Variants in MTHFD1 observed in about 807,000 individuals in gnomAD.
MTHFD1 encodes the protein C-1-tetrahydrofolate synthase, cytoplasmic.
A neutral mutation model predicts 110.3 loss-of-function variants in MTHFD1; 44 were observed. The observed-to-expected ratio is 0.40, with a 90% CI of 0.31 to 0.51. The LOEUF is 0.51. MTHFD1 is among the 20% of genes least tolerant of loss of function. MTHFD1 has a pLI of 0.60. For synonymous variants in MTHFD1, 402 were observed against 428.8 expected (o/e 0.94, Z 0.77); for missense variants, 909 against 1,173.1 (o/e 0.77, Z 3.29).
At position 64,459,711 on chromosome 14, in the gene MTHFD1, T is replaced by A. The variant is rs1481944134; in HGVS notation, c.*5-48T>A. 3 of 1,304,694 alleles carry A rather than the reference T, an allele frequency of 2.3e-6. No individual in the cohort carries two copies. In the Admixed American group the frequency reaches 9.3e-5, roughly 40 times the overall value. 80.8% of individuals were successfully genotyped at this position (1,304,694 alleles called of 1,614,324 possible). Reference sequence around the variant, plus strand: ...GCAGTATGGAAGGAACAGGAAACATTTCAGTGCTTGCTTAGAGAAAACATT... The same window carrying A: ...GCAGTATGGAAGGAACAGGAAACATATCAGTGCTTGCTTAGAGAAAACATT... On this transcript the variant is annotated intron_variant, in intron 27 of 27. Coordinates refer to ENST00000652337, the MANE Select transcript of MTHFD1 (RefSeq NM_005956.4).
At chr14:64,453,695 G>C in intron 24 of MTHFD1, 59 bp from the exon 25 acceptor site, 1 of 1,028,422 alleles carries the variant, frequency 9.7e-7, no homozygotes, top group Non-Finnish European at 1.5e-6. Context: ...GCTATGTCCT[G>C]GTTAAATGTC....
At position 64,449,607 on chromosome 14, in the gene MTHFD1, C is replaced by T; in HGVS notation, c.2442C>T (p.Leu814=). ...RAAQAPSSFQ[L]LYDLKLPVED... is the part of the protein sequence containing the mutation. ...CACAAGCACCCAGCAGCTTCCAGCT[C>T]CTTTATGACCTCAAGGTGGGTGATT... is the stretch of plus-strand genomic sequence containing the variant. The change falls in exon 24 of 28, where the codon CTC becomes CTT. Residue 814 remains leucine (L), a synonymous_variant. Coordinates refer to ENST00000652337, the MANE Select transcript of MTHFD1 (RefSeq NM_005956.4). 1.2e-6 allele frequency: 2 copies of T among 1,614,082 alleles called. No homozygotes were observed. Among genetic ancestry groups the T allele is most frequent in the South Asian group, 2.2e-5 (2 of 91,080 alleles).
At chr14:64,389,586 G>C (rs970560609) in intron 1 of MTHFD1, among the ~76,000 whole-genome samples, 1 of 152,088 alleles carries the variant, frequency 6.6e-6, no homozygotes, top group Admixed American at 6.6e-5. Context: ...GCAGGCATCT[G>C]TAATCCCAGC....
chr14:64,431,440 G>A (rs2078159457), intron 13 of MTHFD1, 92 bp from the exon 14 acceptor site: 2 of 1,088,826 alleles, frequency 1.8e-6, no homozygotes, highest in South Asian at 2.6e-5. Flanking sequence ...TATTCCATTG[G>A]CTTTAAAATA....
intron 4 of MTHFD1, among the ~76,000 whole-genome samples, chr14:64,414,921 T>C (rs1029565086): frequency 1.3e-5 from 2 of 152,040 alleles, no homozygotes; most frequent in African/African-American, 4.8e-5. Flanking sequence ...ACTCCCAACC[T>C]CAGGTGATCC....
At chr14:64,412,566 T>G (rs1305755852) in intron 4 of MTHFD1, 41 bp downstream of exon 4, 1 of 1,507,742 alleles carries the variant, frequency 6.6e-7, no homozygotes, top group East Asian at 2.3e-5. Context: ...GAAGGTGAAG[T>G]GGTTTCCTCT....
chr14:64,400,931 C>A, intron 2 of MTHFD1, 54 bp downstream of exon 2: 1 of 1,241,444 alleles, frequency 8.1e-7, no homozygotes, highest in Non-Finnish European at 1.2e-6. Context: ...TTCTCAGTAT[C>A]ATTTCAGACC....
chr14:64,394,065 C>T (rs1448535824), intron 1 of MTHFD1, among the ~76,000 whole-genome samples: 1 of 152,014 alleles, frequency 6.6e-6, no homozygotes, highest in East Asian at 1.9e-4. Context: ...CCCCCATTAC[C>T]CCTGCACTGT....
intron 22 of MTHFD1, 192 bp downstream of exon 22, chr14:64,444,926 T>G: frequency 1.6e-6 from 1 of 634,984 alleles, no homozygotes; most frequent in Non-Finnish European, 2.9e-6. Context: ...CAAAATAGAA[T>G]TGTCCCACAT....
intron 1 of MTHFD1, among the ~76,000 whole-genome samples, chr14:64,389,774 CTG>C (rs761928662): frequency 3.9e-4 from 59 of 151,238 alleles, no homozygotes; most frequent in Non-Finnish European, 8.1e-4. Flanking sequence ...GCTTGCTAAA[CTG>C]TATTTCTGCT....
chr14:64,441,772 C>T (rs377056697), intron 19 of MTHFD1: 18 of 558,786 alleles, frequency 3.2e-5, no homozygotes, highest in East Asian at 2.8e-4. Context: ...CACTGCACTC[C>T]AGACTGGGCG....
chr14:64,442,074 T>C lies in MTHFD1; in HGVS notation c.1905T>C (p.His635=). 6.2e-7 allele frequency: 1 copy of C among 1,614,144 alleles called. No homozygotes were observed. Among genetic ancestry groups the C allele is most frequent in the Non-Finnish European group, 8.5e-7 (1 of 1,179,968 alleles). Residue 635 remains histidine, a synonymous_variant, in exon 20 of 28, where the codon CAT becomes CAC. Coordinates refer to ENST00000652337, the MANE Select transcript of MTHFD1 (RefSeq NM_005956.4). ...QTLEGTPVFV[H]AGPFANIAHG... is the part of the protein sequence containing the mutation. The stretch of plus-strand genomic sequence containing the variant: ...CACAGGGCACTCCAGTGTTTGTCCA[T>C]GCTGGCCCGTTTGCCAACATCGCAC...
intron 21 of MTHFD1, among the ~76,000 whole-genome samples, chr14:64,443,772 C>G (rs1019348462): frequency 7.2e-5 from 11 of 152,204 alleles, no homozygotes; most frequent in Non-Finnish European, 1.3e-4. Context: ...CATCACACCT[C>G]CTTTCCTTGC....
chr14:64,396,863 G>A (rs2077853484), intron 1 of MTHFD1, among the ~76,000 whole-genome samples: 1 of 149,088 alleles, frequency 6.7e-6, no homozygotes, highest in African/African-American at 2.5e-5. Context: ...CCAGCACTTT[G>A]GGAGGCCGAG....
intron 8 of MTHFD1, among the ~76,000 whole-genome samples, chr14:64,424,541 G>A (rs956425736): frequency 4.6e-5 from 7 of 152,228 alleles, no homozygotes; most frequent in African/African-American, 1.7e-4. Context: ...AAAACAGTTG[G>A]TATTTTATTT....
chr14:64,439,244 CCT>C, intron 17 of MTHFD1, 72 bp downstream of exon 17: 1 of 1,105,496 alleles, frequency 9.0e-7, no homozygotes, highest in Non-Finnish European at 1.4e-6. Context: ...CCTCCTCCAT[CCT>C]CTCTCATACG....
rs1414986905 is a variant in MTHFD1 at position 64,427,437 on chromosome 14, C to T, written c.1228C>T (p.Arg410Ter). 3.1e-6 allele frequency: 5 copies of T among 1,614,156 alleles called. No individual in the cohort carries two copies. The highest frequency in any genetic ancestry group is 4.2e-6 in the Non-Finnish European group (5 of 1,180,014). ...HLYQNVFACV[R>*]QPSQGPTFGI... ...CTACCAGAATGTCTTTGCGTGTGTGCGACAGCCTTCTCAGGGCCCCACCTT... is the reference window on the plus strand; with the variant it reads ...CTACCAGAATGTCTTTGCGTGTGTGTGACAGCCTTCTCAGGGCCCCACCTT... Residue 410 changes from arginine (R) to a stop codon, truncating the protein, a stop_gained, in exon 12 of 28, where the codon CGA becomes TGA. Transcript: ENST00000652337. LOFTEE classifies it high-confidence loss of function.
chr14:64,395,590 A>T (rs1037688530), intron 1 of MTHFD1, among the ~76,000 whole-genome samples: 3 of 152,206 alleles, frequency 2.0e-5, no homozygotes, highest in African/African-American at 7.2e-5. Context: ...TAACCAGTCC[A>T]ACCTAGTCCG....
chr14:64,388,757 G>A, intron 1 of MTHFD1: 1 of 572,154 alleles, frequency 1.7e-6, no homozygotes, highest in African/African-American at 1.9e-5. Flanking sequence ...AGAGTGGGTA[G>A]TTGCGGCTTC....
Sources: allele counts gnomAD v4.1 joint callset (sites outside exome capture counted in the v4.1 genomes callset), GRCh38; gene constraint gnomAD v4.1.1; transcripts MANE v1.5; gene names NCBI Gene and HGNC (gene_info 2026-07-23, HGNC 2026-07-21).